ERBB4: variants seen among roughly 807,000 people sequenced by gnomAD.
ERBB4 encodes the protein receptor tyrosine-protein kinase erbB-4.
In ERBB4, 42 loss-of-function variants were observed where a neutral mutation model predicts 158.0. The ratio of observed to expected loss-of-function variants is 0.27; its 90% CI spans 0.21 to 0.34. The LOEUF is 0.34. ERBB4 is among the 10% of genes least tolerant of loss of function. ERBB4 has a pLI of 1.00. For missense variants in ERBB4, 1,333 were observed against 1,624.1 expected (o/e 0.82, Z 3.08); for synonymous variants, 583 against 558.7 (o/e 1.04, Z -0.61).
intron 1 of ERBB4, among the ~76,000 whole-genome samples, chr2:212,498,794 C>T (rs114653167): frequency 0.011 from 1,744 of 151,986 alleles, 15 homozygotes; most frequent in Middle Eastern, 0.037. Flanking sequence ...ATTGAAAGAC[C>T]CTAACTACTA....
chr2:211,378,038 C>G lies in ERBB4; in HGVS notation c.*5577G>C, dbSNP rs1472741039. On this transcript the variant is annotated 3_prime_UTR_variant, in exon 28 of 28. Transcript: ENST00000342788. ...AAGTGGGGTGTAGGATCTCAGAGATCCACTATGGCTTAAGAAAGGAACAGG... is the reference window on the plus strand; with the variant it reads ...AAGTGGGGTGTAGGATCTCAGAGATGCACTATGGCTTAAGAAAGGAACAGG... The G allele has an allele frequency of 8.6e-6, 2 of 232,906 alleles. No individual in the cohort carries two copies. Among genetic ancestry groups the G allele is most frequent in the African/African-American group, 4.4e-5 (2 of 45,250 alleles). 14.4% of individuals were successfully genotyped at this position (232,906 alleles called of 1,614,324 possible).
intron 20 of ERBB4, among the ~76,000 whole-genome samples, chr2:211,534,317 A>G (rs1285628969): frequency 2.6e-5 from 4 of 152,112 alleles, no homozygotes; most frequent in Admixed American, 6.6e-5. Context: ...TCTGCGTGCT[A>G]GTAAACAACA....
intron 1 of ERBB4, among the ~76,000 whole-genome samples, chr2:212,412,946 A>AT (rs145122139): frequency 2.0e-5 from 3 of 151,410 alleles, no homozygotes; most frequent in Admixed American, 6.6e-5. Flanking sequence ...TATGTAGAGT[A>AT]TTTTTTTTCT....
chr2:211,883,899 A>G lies in ERBB4; in HGVS notation c.421+63531T>C, dbSNP rs1288156904. Among the ~76,000 whole-genome samples the G allele has an allele frequency of 2.0e-5, 3 of 152,338 alleles. No homozygotes were observed. The East Asian group carries it at 5.8e-4, about 29-fold the overall frequency. On this transcript the variant is annotated intron_variant, in intron 3 of 27. Coordinates refer to ENST00000342788, the MANE Select transcript of ERBB4 (RefSeq NM_005235.3). ...ATTATAGAAAAACTCAATGGTGATA[A>G]TTCAGCCTATTTACATAATTCTATC...
intron 1 of ERBB4, among the ~76,000 whole-genome samples, chr2:212,144,157 C>T (rs1030047340): frequency 3.9e-5 from 6 of 151,998 alleles, no homozygotes; most frequent in African/African-American, 1.2e-4. Context: ...TGGATGCATG[C>T]TAACTTTTTT....
At chr2:212,299,395 A>C (rs1450076295) in intron 1 of ERBB4, among the ~76,000 whole-genome samples, 2 of 151,674 alleles carry the variant, frequency 1.3e-5, no homozygotes, top group East Asian at 3.9e-4. Flanking sequence ...GGGAAGGTTT[A>C]AGTTGTTTAC....
chr2:211,704,471 G>C (rs2073363765), intron 10 of ERBB4, among the ~76,000 whole-genome samples: 1 of 152,130 alleles, frequency 6.6e-6, no homozygotes, highest in African/African-American at 2.4e-5. Flanking sequence ...GAAAAATACA[G>C]TTTCAATTTC....
At chr2:212,235,639 T>A (rs1055397849) in intron 1 of ERBB4, among the ~76,000 whole-genome samples, 2 of 152,228 alleles carry the variant, frequency 1.3e-5, no homozygotes, top group African/African-American at 4.8e-5. Flanking sequence ...GCCTTTCTTA[T>A]TTCCTTAAAC....
chr2:211,939,920 C>T (rs1438749445), intron 3 of ERBB4, among the ~76,000 whole-genome samples: 1 of 147,670 alleles, frequency 6.8e-6, no homozygotes, highest in Non-Finnish European at 1.5e-5. Context: ...ACACTCCAGC[C>T]TGGGCCACAG....
intron 3 of ERBB4, among the ~76,000 whole-genome samples, chr2:211,820,907 T>C (rs553708536): frequency 1.3e-5 from 2 of 151,938 alleles, no homozygotes; most frequent in African/African-American, 4.8e-5. Context: ...AGAAGGAAAG[T>C]ACCTCAACAC....
chr2:212,358,159 T>G (rs2106355761), intron 1 of ERBB4, among the ~76,000 whole-genome samples: 1 of 151,962 alleles, frequency 6.6e-6, no homozygotes, highest in East Asian at 1.9e-4. Context: ...ATGAATACAT[T>G]TTTTTAAAAA....
intron 2 of ERBB4, among the ~76,000 whole-genome samples, chr2:211,960,261 GTCAAAAGGGC>G (rs935846564): frequency 8.5e-5 from 13 of 152,178 alleles, no homozygotes; most frequent in African/African-American, 2.9e-4. Context: ...CTAAGTTCAT[GTCAAAAGGGC>G]TCAAGAACCA....
intron 1 of ERBB4, among the ~76,000 whole-genome samples, chr2:212,292,780 C>T (rs1395695887): frequency 1.3e-5 from 2 of 152,026 alleles, no homozygotes; most frequent in Non-Finnish European, 2.9e-5. Flanking sequence ...TTGACGCTTT[C>T]TGCGTGAAAT....
Position 211,666,645 on chromosome 2 carries a change from C to T in ERBB4, c.1717-1168G>A, listed in dbSNP as rs76196820. On this transcript the variant is annotated intron_variant, in intron 14 of 27. Coordinates refer to ENST00000342788, the MANE Select transcript of ERBB4 (RefSeq NM_005235.3). Reference sequence around the variant, plus strand: ...AAAAGACTTCCCCGATGCTTTCATACATTCAGCTGTTCTGGACAACAGCTA... The same window carrying T: ...AAAAGACTTCCCCGATGCTTTCATATATTCAGCTGTTCTGGACAACAGCTA... Among the ~76,000 whole-genome samples the T allele has an allele frequency of 5.3e-3, 808 of 152,272 alleles. 6 individuals are homozygous for T. Among genetic ancestry groups the T allele is most frequent in the African/African-American group, 0.019 (771 of 41,574 alleles).
rs1217270481 is a variant in ERBB4 at position 212,003,112 on chromosome 2, A to AGAAGGAAGGAAGGAAG, written c.235-55512_235-55497dup. On this transcript the variant is annotated intron_variant, in intron 2 of 27. Coordinates refer to ENST00000342788, the MANE Select transcript of ERBB4 (RefSeq NM_005235.3). The stretch of plus-strand genomic sequence containing the variant: ...GAGAGACAGAGACAGAAAGAAAGAA[A>AGAAGGAAGGAAGGAAG]GAAGGAAGGAAGGAAGGAAGGAAGG... 9.1e-3 allele frequency among the ~76,000 whole-genome samples: 437 copies of AGAAGGAAGGAAGGAAG among 48,180 alleles called. 33 individuals carry two copies. The highest frequency in any genetic ancestry group is 0.024 in the South Asian group (20 of 848). The allele number at this position is 48,180 out of a possible 152,430, so 31.6% of individuals were successfully genotyped here.
chr2:211,928,379 A>G (rs1428759590), intron 3 of ERBB4, among the ~76,000 whole-genome samples: 5 of 152,078 alleles, frequency 3.3e-5, no homozygotes, highest in African/African-American at 9.7e-5. Flanking sequence ...CCATTGTCCT[A>G]TGGAGAAGCC....
rs570409190 is a variant in ERBB4, at chr2:212,325,986, T to C, written c.83-201083A>G. On this transcript the variant is annotated intron_variant, in intron 1 of 27. Transcript: ENST00000342788. ...TTCAGAGTTCTGCCTGTATACATTATAGAAGATGACAAAGCTCCAATAAGC... is the reference window on the plus strand; with the variant it reads ...TTCAGAGTTCTGCCTGTATACATTACAGAAGATGACAAAGCTCCAATAAGC... Among the ~76,000 whole-genome samples, 17 of 150,788 alleles carry C rather than the reference T, an allele frequency of 1.1e-4. No homozygotes were observed. The East Asian group carries it at 3.1e-3, about 28-fold the overall frequency.
intron 1 of ERBB4, among the ~76,000 whole-genome samples, chr2:212,442,102 C>T (rs2092266339): frequency 6.6e-6 from 1 of 152,200 alleles, no homozygotes; most frequent in Admixed American, 6.5e-5. Flanking sequence ...AGAGACAAAG[C>T]AGCAATAAGA....
chr2:211,780,654 G>T (rs925894051), intron 4 of ERBB4, among the ~76,000 whole-genome samples: 2 of 152,220 alleles, frequency 1.3e-5, no homozygotes, highest in Non-Finnish European at 2.9e-5. Context: ...CAGCTGAGCT[G>T]CCACTTGATC....
Sources: gnomAD v4.1 joint callset for allele counts (sites outside exome capture counted in the v4.1 genomes callset) on GRCh38, gnomAD v4.1.1 for gene constraint, MANE v1.5 for transcripts, NCBI Gene and HGNC (gene_info 2026-07-23, HGNC 2026-07-21) for gene names.